The following KCND3 variants were observed in gnomAD, a reference collection of about 807,000 sequenced individuals.
The protein encoded by KCND3 is potassium voltage-gated channel subfamily D member 3.
In KCND3, 9 loss-of-function variants were observed where a neutral mutation model predicts 51.1. The observed-to-expected ratio is 0.18, with a 90% CI of 0.11 to 0.31. The LOEUF (loss-of-function observed/expected upper bound fraction) is 0.31. KCND3 is among the 10% of genes least tolerant of loss of function. The pLI is 1.00. For synonymous variants in KCND3, 349 were observed against 368.0 expected (o/e 0.95, Z 0.59); for missense variants, 526 against 903.8 (o/e 0.58, Z 5.36).
At chr1:111,830,015 C>A (rs762239363) in intron 2 of KCND3, among the ~76,000 whole-genome samples, 7 of 152,172 alleles carry the variant, frequency 4.6e-5, no homozygotes, top group Non-Finnish European at 8.8e-5. Flanking sequence ...GTTCCAACTG[C>A]CTGAACTCTT....
chr1:111,818,611 C>T (rs189904717), intron 2 of KCND3, among the ~76,000 whole-genome samples: 4 of 152,200 alleles, frequency 2.6e-5, no homozygotes, highest in African/African-American at 7.2e-5. Context: ...AGATGGAGTG[C>T]GGGAACTGTT....
At chr1:111,963,794 C>T (rs928305245) in intron 2 of KCND3, among the ~76,000 whole-genome samples, 1 of 152,214 alleles carries the variant, frequency 6.6e-6, no homozygotes. Flanking sequence ...GACCTTATGG[C>T]TACATGGCCT....
chr1:111,948,111 T>A (rs1266522285), intron 2 of KCND3, among the ~76,000 whole-genome samples: 3 of 152,254 alleles, frequency 2.0e-5, no homozygotes, highest in Non-Finnish European at 4.4e-5. Context: ...AAGTCCTATC[T>A]GTGTGCTTTG....
At position 111,771,106 on chromosome 1, in the gene KCND3, T is replaced by A. The variant is rs994887602; in HGVS notation, c.*4971A>T. 1 of 152,218 alleles carries A rather than the reference T, an allele frequency of 6.6e-6. No individual in the cohort carries two copies. Among genetic ancestry groups the A allele is most frequent in the Non-Finnish European group, 1.5e-5 (1 of 68,032 alleles). The allele number at this position is 152,218 out of a possible 1,614,324, so 9.4% of individuals were successfully genotyped here. A position where few individuals can be genotyped will look rare whatever the true frequency, so the allele number is the denominator to read the frequency against. On this transcript the variant is annotated 3_prime_UTR_variant, in exon 8 of 8. Transcript: ENST00000302127. ...CAGGACTTGGGTCAGTGCCGTACACTGGTTAGAGTGACATCATCCAGTGTA... is the reference window on the plus strand; with the variant it reads ...CAGGACTTGGGTCAGTGCCGTACACAGGTTAGAGTGACATCATCCAGTGTA...
chr1:111,884,980 T>A (rs950370385), intron 2 of KCND3, among the ~76,000 whole-genome samples: 1 of 152,158 alleles, frequency 6.6e-6, no homozygotes, highest in African/African-American at 2.4e-5. Context: ...TAGATGCCAG[T>A]AGCATCTCAC....
intron 2 of KCND3, among the ~76,000 whole-genome samples, chr1:111,881,659 C>T (rs1669331307): frequency 6.6e-6 from 1 of 152,216 alleles, no homozygotes; most frequent in South Asian, 2.1e-4. Context: ...TGGGGCAGGG[C>T]AAAGGGCAGG....
chr1:111,956,496 A>G (rs1050765438), intron 2 of KCND3, among the ~76,000 whole-genome samples: 1 of 152,064 alleles, frequency 6.6e-6, no homozygotes, highest in African/African-American at 2.4e-5. Context: ...GCCATGCCCT[A>G]TTGATTGGAG....
intron 2 of KCND3, among the ~76,000 whole-genome samples, chr1:111,790,918 G>T (rs1343294719): frequency 1.3e-5 from 2 of 152,126 alleles, no homozygotes; most frequent in Non-Finnish European, 2.9e-5. Flanking sequence ...CCTTTTTATG[G>T]CTGAATAACA....
intron 2 of KCND3, among the ~76,000 whole-genome samples, chr1:111,855,886 G>A (rs1668042895): frequency 6.6e-6 from 1 of 152,204 alleles, no homozygotes; most frequent in African/African-American, 2.4e-5. Flanking sequence ...TGGGACCAAA[G>A]CCTAGGAGAA....
At chr1:111,822,146 C>T (rs1420778705) in intron 2 of KCND3, among the ~76,000 whole-genome samples, 2 of 151,748 alleles carry the variant, frequency 1.3e-5, no homozygotes, top group East Asian at 3.9e-4. Context: ...GTGATTTTCA[C>T]ATTTTAATAT....
chr1:111,825,667 A>G (rs761429266), intron 2 of KCND3, among the ~76,000 whole-genome samples: 1 of 152,216 alleles, frequency 6.6e-6, no homozygotes, highest in African/African-American at 2.4e-5. Flanking sequence ...CCACCACCCA[A>G]AGATACCATC....
intron 2 of KCND3, among the ~76,000 whole-genome samples, chr1:111,797,444 A>T (rs1557942720): frequency 6.6e-6 from 1 of 152,178 alleles, no homozygotes; most frequent in Non-Finnish European, 1.5e-5. Flanking sequence ...TCCTGGATTG[A>T]TGAACTCATC....
chr1:111,809,221 T>C (rs1557950139), intron 2 of KCND3, among the ~76,000 whole-genome samples: 1 of 152,096 alleles, frequency 6.6e-6, no homozygotes, highest in South Asian at 2.1e-4. Context: ...GCTGTGGTAG[T>C]TGTGTTTTGA....
At chr1:111,873,067 G>A (rs928437757) in intron 2 of KCND3, among the ~76,000 whole-genome samples, 2 of 152,224 alleles carry the variant, frequency 1.3e-5, no homozygotes, top group Non-Finnish European at 2.9e-5. Flanking sequence ...TTTCCCCAGT[G>A]GCATCTGGCT....
chr1:111,974,490 G>C (rs1024870142), intron 2 of KCND3, among the ~76,000 whole-genome samples: 6 of 152,148 alleles, frequency 3.9e-5, no homozygotes, highest in Admixed American at 3.3e-4. Context: ...CCTGAGGATA[G>C]CGGGTGGGAG....
intron 2 of KCND3, among the ~76,000 whole-genome samples, chr1:111,808,818 G>C (rs17028627): frequency 0.082 from 12,461 of 152,268 alleles, 896 homozygotes; most frequent in African/African-American, 0.18. Flanking sequence ...TTAAATACTT[G>C]TGCTCTGCAG....
rs1192136102 is a variant in KCND3 at position 111,974,068 on chromosome 1, C to T, written c.1106+7553G>A. Among the ~76,000 whole-genome samples the T allele has an allele frequency of 3.9e-5, 6 of 152,198 alleles. 1 individual carries two copies. Among genetic ancestry groups the T allele is most frequent in the African/African-American group, 1.4e-4 (6 of 41,446 alleles). ...CATCCAGTCATGGTCAGCAAAGGCT[C>T]AGCTATCTTCCCTCTCCAGTCCCCA... On this transcript the variant is annotated intron_variant, in intron 2 of 7. Transcript: ENST00000302127.
At chr1:111,814,052 G>A (rs1007711773) in intron 2 of KCND3, among the ~76,000 whole-genome samples, 5 of 152,220 alleles carry the variant, frequency 3.3e-5, no homozygotes, top group African/African-American at 7.2e-5. Flanking sequence ...ATGATGTGCT[G>A]GGCCCCAGGA....
intron 2 of KCND3, among the ~76,000 whole-genome samples, chr1:111,878,510 C>T (rs1221754478): frequency 1.3e-5 from 2 of 152,208 alleles, no homozygotes; most frequent in African/African-American, 2.4e-5. Flanking sequence ...CTGCTCCATT[C>T]CCCCTGGTGG....
Sources: gnomAD v4.1 joint callset for allele counts (sites outside exome capture counted in the v4.1 genomes callset) on GRCh38, gnomAD v4.1.1 for gene constraint, MANE v1.5 for transcripts, NCBI Gene and HGNC (gene_info 2026-07-23, HGNC 2026-07-21) for gene names.